Variants in TMEM263 observed in about 807,000 individuals in gnomAD.
TMEM263 encodes transmembrane protein 263.
TMEM263 carries 5 observed loss-of-function variants against 8.6 expected under a neutral mutation model. The ratio of observed to expected loss-of-function variants is 0.58; its 90% confidence interval spans 0.31 to 1.23. TMEM263 has a LOEUF of 1.23. TMEM263 is among the 50% of genes most tolerant of loss of function. The pLI, the probability that TMEM263 is intolerant of heterozygous loss-of-function variation, is 0.07. For missense variants in TMEM263, 104 were observed against 138.8 expected, an observed-to-expected ratio of 0.75 and a Z score of 1.26; for synonymous variants, 50 against 47.9, an observed-to-expected ratio of 1.04 and a Z score of -0.18.
intron 3 of TMEM263, among the ~76,000 whole-genome samples, chr12:106,968,626 C>T (rs1951876320): frequency 6.6e-6 from 1 of 152,120 alleles, no homozygotes; most frequent in Non-Finnish European, 1.5e-5. Flanking sequence ...TCTTTCTATG[C>T]CAACCACTAA....
intron 1 of TMEM263, 40 bp downstream of exon 1, chr12:106,956,105 G>A: frequency 2.1e-6 from 2 of 947,722 alleles, no homozygotes; most frequent in Non-Finnish European, 2.5e-6. Flanking sequence ...CGCAGTCCCG[G>A]CTTCCTGCCC....
chr12:106,971,365 G>A lies in TMEM263; in HGVS notation c.325G>A (p.Gly109Arg). The A allele has an allele frequency of 1.2e-6, 2 of 1,610,546 alleles. No homozygotes were observed. Among genetic ancestry groups the A allele is most frequent in the Non-Finnish European group, 1.7e-6 (2 of 1,177,930 alleles). Reference sequence around the variant, plus strand: ...TGTTGTAAACAAAGTGCCCTTAACAGGAAAGAAGAAAGACAAATCTGACTG... The same window carrying A: ...TGTTGTAAACAAAGTGCCCTTAACAAGAAAGAAGAAAGACAAATCTGACTG... ...SAVVNKVPLT[G>R]KKKDKSD Residue 109 changes from glycine (G) to arginine (R), a missense_variant, in exon 4 of 4, where the codon GGA becomes AGA. Physicochemically the swap from Gly to Arg is moderately radical, Grantham distance 125. Coordinates refer to ENST00000280756, the MANE Select transcript of TMEM263 (RefSeq NM_152261.4).
Position 106,968,377 on chromosome 12 carries a change from A to G in TMEM263, c.64+1197A>G, listed in dbSNP as rs76668995. 2.3e-4 allele frequency among the ~76,000 whole-genome samples: 34 copies of G among 148,392 alleles called. 1 individual carries two copies. The highest frequency in any genetic ancestry group is 1.6e-3 in the Admixed American group (24 of 14,968). On this transcript the variant is annotated intron_variant, in intron 3 of 3. Transcript: ENST00000280756. ...GGCGACAGAGTGAGACTCCGTCTCAAAAAAAAAAAAAAGAACTAGCTGATT... is the reference window on the plus strand; with the variant it reads ...GGCGACAGAGTGAGACTCCGTCTCAGAAAAAAAAAAAAGAACTAGCTGATT...
intron 2 of TMEM263, among the ~76,000 whole-genome samples, chr12:106,961,167 T>C (rs1951770625): frequency 6.6e-6 from 1 of 151,560 alleles, no homozygotes; most frequent in South Asian, 2.1e-4. Flanking sequence ...AAGCAGTTCT[T>C]CCTCTTCATC....
intron 3 of TMEM263, among the ~76,000 whole-genome samples, chr12:106,970,613 ACCTTGTAGAC>A (rs1951907037): frequency 6.6e-6 from 1 of 152,196 alleles, no homozygotes; most frequent in Admixed American, 6.5e-5. Flanking sequence ...AATAGTTTTT[ACCTTGTAGAC>A]CCCCTGAAAT....
At chr12:106,967,994 C>T (rs1951868400) in intron 3 of TMEM263, among the ~76,000 whole-genome samples, 1 of 152,158 alleles carries the variant, frequency 6.6e-6, no homozygotes, top group African/African-American at 2.4e-5. Context: ...TATCATGAAT[C>T]ATTTTAATTC....
In TMEM263 at chr12:106,957,165, CGTGTGTGTGTGTGTGTGTGT is replaced by C. The variant is rs55948879; in HGVS notation, c.-7+43_-7+62del. On this transcript the variant is annotated intron_variant, in intron 2 of 3. Transcript: ENST00000280756. ...ACACCAACAGGTAAACGCGCGCGCC[CGTGTGTGTGTGTGTGTGTGT>C]GTGTGTGTGTGTGTGTGTGTGTGTG... 1.4e-3 allele frequency: 1,202 copies of C among 849,444 alleles called. 2 individuals are homozygous for C. Among genetic ancestry groups the C allele is most frequent in the Middle Eastern group, 4.2e-3 (7 of 1,678 alleles). 52.6% of individuals were successfully genotyped at this position (849,444 alleles called of 1,614,324 possible). A position where few individuals can be genotyped will look rare whatever the true frequency, so the allele number is the denominator to read the frequency against.
In TMEM263 at chr12:106,955,994, C is replaced by T. The variant is rs891695999; in HGVS notation, c.-146C>T. 4 of 986,424 alleles carry T rather than the reference C, an allele frequency of 4.1e-6. No homozygotes were observed. The highest frequency in any genetic ancestry group is 1.1e-4 in the East Asian group (1 of 8,850). 61.1% of individuals were successfully genotyped at this position (986,424 alleles called of 1,614,324 possible). ...CCGGCCGCCGCTGCCGCCCAGGCCG[C>T]CTCAGCTCTCCTCTGCGCCGGCCCG... On this transcript the variant is annotated 5_prime_UTR_variant, in exon 1 of 4. Coordinates refer to ENST00000280756, the MANE Select transcript of TMEM263 (RefSeq NM_152261.4).
chr12:106,969,214 TTTA>T (rs1386838147), intron 3 of TMEM263, among the ~76,000 whole-genome samples: 2 of 152,198 alleles, frequency 1.3e-5, no homozygotes, highest in African/African-American at 4.8e-5. Flanking sequence ...TTCAGAATTT[TTTA>T]TTTTCTCCAT....
At chr12:106,963,904 G>A (rs915241369) in intron 2 of TMEM263, among the ~76,000 whole-genome samples, 2 of 152,098 alleles carry the variant, frequency 1.3e-5, no homozygotes, top group African/African-American at 2.4e-5. Context: ...AAATATATGC[G>A]GTTACAGTCA....
chr12:106,958,432 T>C (rs1951728959), intron 2 of TMEM263, among the ~76,000 whole-genome samples: 2 of 152,224 alleles, frequency 1.3e-5, no homozygotes, highest in Non-Finnish European at 2.9e-5. Flanking sequence ...TAAATTACCC[T>C]TTAGGGAATT....
rs963536314 is a variant in TMEM263, at chr12:106,973,046, TA to T, written c.*1659del. The T allele has an allele frequency of 3.3e-5, 5 of 152,078 alleles. No individual in the cohort carries two copies. The highest frequency in any genetic ancestry group is 1.2e-4 in the African/African-American group (5 of 41,408). 9.4% of individuals were successfully genotyped at this position (152,078 alleles called of 1,614,324 possible). A position where few individuals can be genotyped will look rare whatever the true frequency, so the allele number is the denominator to read the frequency against. ...ATGCAGAAGAATATAACATAACTTT[TA>T]AAAGCTTTCATAAATACCAGCAGCA... On this transcript the variant is annotated 3_prime_UTR_variant, in exon 4 of 4. Coordinates refer to ENST00000280756, the MANE Select transcript of TMEM263 (RefSeq NM_152261.4).
chr12:106,973,659 G>T lies in TMEM263; in HGVS notation c.*2268G>T, dbSNP rs968142483. On this transcript the variant is annotated 3_prime_UTR_variant, in exon 4 of 4. Transcript: ENST00000280756. ...GAACTTACCATCTGATGATATGTATGTACAGCTGTGTACTTGAGTCTTTTT... is the reference window on the plus strand; with the variant it reads ...GAACTTACCATCTGATGATATGTATTTACAGCTGTGTACTTGAGTCTTTTT... 1 of 152,434 alleles carries T rather than the reference G, an allele frequency of 6.6e-6. No individual in the cohort carries two copies. Among genetic ancestry groups the T allele is most frequent in the African/African-American group, 2.4e-5 (1 of 41,446 alleles). The allele number at this position is 152,434 out of a possible 1,614,324, so 9.4% of individuals were successfully genotyped here. A position where few individuals can be genotyped will look rare whatever the true frequency, so the allele number is the denominator to read the frequency against.
intron 2 of TMEM263, among the ~76,000 whole-genome samples, chr12:106,959,616 T>C (rs1951742527): frequency 2.0e-5 from 3 of 152,228 alleles, no homozygotes; most frequent in Admixed American, 1.3e-4. Context: ...GAGTTTTAGA[T>C]TGGGGTCTAT....
At chr12:106,962,204 T>C (rs1375194423) in intron 2 of TMEM263, among the ~76,000 whole-genome samples, 1 of 152,092 alleles carries the variant, frequency 6.6e-6, no homozygotes, top group Admixed American at 6.6e-5. Flanking sequence ...AATGTAAAAC[T>C]TATGTATTTC....
intron 2 of TMEM263, among the ~76,000 whole-genome samples, chr12:106,958,012 C>T (rs1340090576): frequency 1.3e-5 from 2 of 152,128 alleles, no homozygotes; most frequent in African/African-American, 4.8e-5. Context: ...TTTTGAATCT[C>T]TTTGCAGTTA....
At chr12:106,957,425 T>C (rs1951714823) in intron 2 of TMEM263, among the ~76,000 whole-genome samples, 1 of 152,222 alleles carries the variant, frequency 6.6e-6, no homozygotes, top group African/African-American at 2.4e-5. Flanking sequence ...TGGACAAATA[T>C]ACAGATTTCT....
In TMEM263 at chr12:106,966,579, A is replaced by G. The variant is rs567976131; in HGVS notation, c.-6-532A>G. On this transcript the variant is annotated intron_variant, in intron 2 of 3. Coordinates refer to ENST00000280756, the MANE Select transcript of TMEM263 (RefSeq NM_152261.4). Reference sequence around the variant, plus strand: ...GTTTTCCACAGTGGCTGAACTAATTAACATTCCCATTAGCAGTGTATAAGC... The same window carrying G: ...GTTTTCCACAGTGGCTGAACTAATTGACATTCCCATTAGCAGTGTATAAGC... Among the ~76,000 whole-genome samples the G allele has an allele frequency of 2.0e-5, 3 of 152,320 alleles. No individual in the cohort carries two copies. In the East Asian group the frequency reaches 5.8e-4, roughly 29 times the overall value.
At chr12:106,957,019 C>G (rs1951703607) in intron 1 of TMEM263, 63 bp from the exon 2 acceptor site, 1 of 925,688 alleles carries the variant, frequency 1.1e-6, no homozygotes, top group African/African-American at 1.8e-5. Context: ...CTTGTGAACA[C>G]TGTGCTAATT....
Sources: gnomAD v4.1 joint callset for allele counts (sites outside exome capture counted in the v4.1 genomes callset) on GRCh38, gnomAD v4.1.1 for gene constraint, MANE v1.5 for transcripts, NCBI Gene and HGNC (gene_info 2026-07-23, HGNC 2026-07-21) for gene names.